The following ELFN1 variants were observed in gnomAD, a reference collection of about 807,000 sequenced individuals.
ELFN1 encodes extracellular leucine rich repeat and fibronectin type III domain containing 1, also known as protein ELFN1.
Under a neutral mutation model 7.6 loss-of-function variants are expected in ELFN1, and 6 were observed. That is an observed-to-expected ratio of 0.79 (90% CI 0.43 to 1.56). The LOEUF is 1.56. Among genes scored for constraint, ELFN1 ranks in the 40% most tolerant of loss-of-function variants. The pLI, the probability that ELFN1 is intolerant of heterozygous loss-of-function variation, is 0.01. For synonymous variants in ELFN1, 657 were observed against 588.1 expected (o/e 1.12, Z -1.70); for missense variants, 1,169 against 1,232.2 (o/e 0.95, Z 0.77).
chr7:1,745,601 G>T lies in ELFN1; in HGVS notation c.1005G>T (p.Leu335=). The change falls in exon 4 of 4, where the codon CTG becomes CTT. Residue 335 remains leucine (L), a synonymous_variant. Transcript: ENST00000424383. ...ACTCGGCCACCATCACCGTCCAGCT[G>T]CCCAGCCCGTTCCACCGGATGTACA... ...TQNSATITVQ[L]PSPFHRMYTL... The T allele has an allele frequency of 6.4e-7, 1 of 1,550,926 alleles. No homozygotes were observed.
At chr7:1,706,933 T>C (rs1779544124) in intron 2 of ELFN1, among the ~76,000 whole-genome samples, 1 of 152,016 alleles carries the variant, frequency 6.6e-6, no homozygotes, top group South Asian at 2.1e-4. Flanking sequence ...GAGCGATGGG[T>C]GTGCCTGTGT....
chr7:1,687,121 T>G (rs1195750435), intron 1 of ELFN1, among the ~76,000 whole-genome samples: 2 of 151,720 alleles, frequency 1.3e-5, no homozygotes, highest in Middle Eastern at 3.2e-3. Flanking sequence ...ATTAACTGAG[T>G]TGGGGGGAGG....
At chr7:1,703,696 T>C (rs10807747) in intron 2 of ELFN1, among the ~76,000 whole-genome samples, 39,325 of 152,048 alleles carry the variant, frequency 0.26, 5,409 homozygotes, top group African/African-American at 0.34. Context: ...TGGCATCTTG[T>C]GCGCTGGGAT....
intron 3 of ELFN1, among the ~76,000 whole-genome samples, chr7:1,743,684 C>G (rs1331293096): frequency 6.6e-6 from 1 of 152,138 alleles, no homozygotes; most frequent in Non-Finnish European, 1.5e-5. Context: ...TGGAGAGGAG[C>G]CCGCGCCCCG....
At chr7:1,710,542 C>T (rs74523977) in intron 3 of ELFN1, among the ~76,000 whole-genome samples, 15,712 of 152,294 alleles carry the variant, frequency 0.1, 851 homozygotes, top group Middle Eastern at 0.14. Flanking sequence ...CAGCTTGTAG[C>T]ATCTCCAATT....
At chr7:1,681,841 T>C (rs896979265) in intron 1 of ELFN1, among the ~76,000 whole-genome samples, 3 of 152,254 alleles carry the variant, frequency 2.0e-5, no homozygotes, top group Non-Finnish European at 4.4e-5. Flanking sequence ...ATTTTCCGAA[T>C]GACCGATGAA....
intron 1 of ELFN1, among the ~76,000 whole-genome samples, chr7:1,685,469 G>A (rs1779046546): frequency 6.6e-6 from 1 of 152,122 alleles, no homozygotes; most frequent in South Asian, 2.1e-4. Context: ...GATGTCTCAT[G>A]TATGTCAGAG....
At position 1,690,947 on chromosome 7, in the gene ELFN1, G is replaced by T. The variant is rs142604936; in HGVS notation, c.-456+2797G>T. On this transcript the variant is annotated intron_variant, in intron 2 of 3. Transcript: ENST00000424383. ...ATTAATGATGATGGAAGTAGATAAT[G>T]AATGAGTGGATGATACATACAGAGA... is the stretch of plus-strand genomic sequence containing the variant. Among the ~76,000 whole-genome samples, 661 of 152,290 alleles carry T rather than the reference G, an allele frequency of 4.3e-3. 4 individuals are homozygous for T. The highest frequency in any genetic ancestry group is 0.015 in the African/African-American group (630 of 41,548).
chr7:1,745,649 C>T lies in ELFN1; in HGVS notation c.1053C>T (p.Ser351=). The T allele has an allele frequency of 6.4e-7, 1 of 1,551,326 alleles. No individual in the cohort carries two copies. Among genetic ancestry groups the T allele is most frequent in the Non-Finnish European group, 8.7e-7 (1 of 1,147,010 alleles). The stretch of plus-strand genomic sequence containing the variant: ...ACACCCTGGAGCATTTCAACAACAG[C>T]AAGGCCTCCACCGTGTCCAGGCTGA... ...RMYTLEHFNN[S]KASTVSRLTK... is the part of the protein sequence containing the mutation. The change falls in exon 4 of 4, where the codon AGC becomes AGT. Residue 351 remains serine, a synonymous_variant. Transcript: ENST00000424383.
intron 2 of ELFN1, among the ~76,000 whole-genome samples, chr7:1,707,283 C>T (rs558438285): frequency 3.9e-5 from 6 of 152,358 alleles, no homozygotes; most frequent in South Asian, 2.1e-4. Context: ...CGTCCTGGCC[C>T]GACCCCTCCA....
Position 1,733,025 on chromosome 7 carries a change from C to G in ELFN1, c.-293-11279C>G, listed in dbSNP as rs531161843. On this transcript the variant is annotated intron_variant, in intron 3 of 3. Coordinates refer to ENST00000424383, the MANE Select transcript of ELFN1 (RefSeq NM_001128636.4). ...AAGCGATTCTCCTGCCTCAGCCTTC[C>G]GAGTAGCTGGGATTACAGGCACCTG... Among the ~76,000 whole-genome samples, 285 of 152,212 alleles carry G rather than the reference C, an allele frequency of 1.9e-3. 1 individual carries two copies. Among genetic ancestry groups the G allele is most frequent in the Non-Finnish European group, 3.3e-3 (226 of 68,012 alleles).
At chr7:1,728,586 A>C (rs1218325765) in intron 3 of ELFN1, among the ~76,000 whole-genome samples, 1 of 151,774 alleles carries the variant, frequency 6.6e-6, no homozygotes, top group Non-Finnish European at 1.5e-5. Context: ...CAGACCCCCC[A>C]CCTTTCCTTC....
intron 3 of ELFN1, among the ~76,000 whole-genome samples, chr7:1,712,367 G>T (rs978375343): frequency 2.0e-5 from 3 of 151,242 alleles, no homozygotes; most frequent in African/African-American, 7.3e-5. Context: ...TGATCTGCCC[G>T]CCTCGGCCTC....
intron 1 of ELFN1, among the ~76,000 whole-genome samples, chr7:1,682,796 A>G (rs1437550869): frequency 6.6e-6 from 1 of 152,120 alleles, no homozygotes; most frequent in Non-Finnish European, 1.5e-5. Flanking sequence ...TCTTGGCCTT[A>G]GAGGAAAAGC....
At chr7:1,722,297 C>T (rs1780047488) in intron 3 of ELFN1, among the ~76,000 whole-genome samples, 1 of 144,564 alleles carries the variant, frequency 6.9e-6, no homozygotes, top group African/African-American at 2.6e-5. Context: ...GATGGAGTCT[C>T]ACTCTGTCAC....
At chr7:1,679,996 C>G (rs1411303441) in intron 1 of ELFN1, among the ~76,000 whole-genome samples, 1 of 152,256 alleles carries the variant, frequency 6.6e-6, no homozygotes, top group African/African-American at 2.4e-5. Flanking sequence ...CTCCTGTGTG[C>G]AGGTGCACAG....
At chr7:1,686,151 C>T (rs1348883089) in intron 1 of ELFN1, among the ~76,000 whole-genome samples, 1 of 151,378 alleles carries the variant, frequency 6.6e-6, no homozygotes, top group Admixed American at 6.6e-5. Flanking sequence ...TAATATATTG[C>T]AGCAGTTCTG....
At chr7:1,734,188 C>A (rs374333261) in intron 3 of ELFN1, among the ~76,000 whole-genome samples, 5 of 152,146 alleles carry the variant, frequency 3.3e-5, no homozygotes, top group South Asian at 4.1e-4. Context: ...GACACCTAGA[C>A]CCTTGCCTGG....
At chr7:1,675,426 G>A (rs1778850269) in intron 1 of ELFN1, among the ~76,000 whole-genome samples, 1 of 152,248 alleles carries the variant, frequency 6.6e-6, no homozygotes, top group African/African-American at 2.4e-5. Flanking sequence ...TCCTTCCTGG[G>A]ATGGAAACCC....
Sources: gnomAD v4.1 joint callset for allele counts (sites outside exome capture counted in the v4.1 genomes callset) on GRCh38, gnomAD v4.1.1 for gene constraint, MANE v1.5 for transcripts, NCBI Gene and HGNC (gene_info 2026-07-23, HGNC 2026-07-21) for gene names.